Variants in MINDY2 observed in about 807,000 individuals in gnomAD.
The protein encoded by MINDY2 is ubiquitin carboxyl-terminal hydrolase MINDY-2.
In MINDY2, 52 loss-of-function variants were observed where a neutral mutation model predicts 68.2. The observed-to-expected ratio is 0.76, with a 90% CI of 0.61 to 0.96. MINDY2 has a LOEUF of 0.96. MINDY2 is among the 40% of genes least tolerant of loss of function. MINDY2 has a pLI of 0.00. For synonymous variants in MINDY2, 372 were observed against 303.0 expected (o/e 1.23, Z -2.36); for missense variants, 881 against 773.4 (o/e 1.14, Z -1.65).
At chr15:58,782,422 T>G (rs914233063) in intron 1 of MINDY2, among the ~76,000 whole-genome samples, 2 of 152,210 alleles carry the variant, frequency 1.3e-5, no homozygotes, top group African/African-American at 2.4e-5. Flanking sequence ...ACTCCCTGTT[T>G]GAATGTCAAA....
chr15:58,829,352 G>T (rs1481825264), intron 5 of MINDY2, among the ~76,000 whole-genome samples: 1 of 152,150 alleles, frequency 6.6e-6, no homozygotes, highest in Admixed American at 6.6e-5. Context: ...ATACTCATCT[G>T]CAATAAATTT....
chr15:58,798,578 C>G (rs1223811636), intron 2 of MINDY2, among the ~76,000 whole-genome samples: 1 of 151,898 alleles, frequency 6.6e-6, no homozygotes, highest in Non-Finnish European at 1.5e-5. Flanking sequence ...ACCTCAGACT[C>G]CCAAGTAGCT....
chr15:58,796,920 A>G (rs1262268040), intron 2 of MINDY2, among the ~76,000 whole-genome samples: 1 of 152,050 alleles, frequency 6.6e-6, no homozygotes, highest in East Asian at 1.9e-4. Context: ...TCTCCACCCT[A>G]CTTTCCTTGT....
chr15:58,771,656 G>C lies in MINDY2; in HGVS notation c.261G>C (p.Leu87Phe). Residue 87 changes from leucine to phenylalanine, a missense_variant, in exon 1 of 9, where the codon TTG (leucine) becomes TTC (phenylalanine). Physicochemically the swap from Leu to Phe is conservative, Grantham distance 22. Transcript: ENST00000559228. ...GCAGCTCCTCCGCGGGTTTGGACTTGAAGGACAGTGGTTTGGAGAGTCCTG... is the reference window on the plus strand; with the variant it reads ...GCAGCTCCTCCGCGGGTTTGGACTTCAAGGACAGTGGTTTGGAGAGTCCTG... ...GPCSSSAGLD[L>F]KDSGLESPAA... 1 of 1,612,588 alleles carries C rather than the reference G, an allele frequency of 6.2e-7. No homozygotes were observed. Among genetic ancestry groups the C allele is most frequent in the South Asian group, 1.1e-5 (1 of 91,082 alleles).
chr15:58,808,823 C>G (rs1040239530), intron 3 of MINDY2, among the ~76,000 whole-genome samples: 1 of 152,184 alleles, frequency 6.6e-6, no homozygotes, highest in Non-Finnish European at 1.5e-5. Flanking sequence ...CCAAGATGGT[C>G]TTGATCTCCT....
chr15:58,781,855 T>A (rs1418720473), intron 1 of MINDY2, among the ~76,000 whole-genome samples: 3 of 151,346 alleles, frequency 2.0e-5, no homozygotes, highest in African/African-American at 7.3e-5. Flanking sequence ...TGAGCCAAGA[T>A]CGTGCCACTG....
intron 6 of MINDY2, among the ~76,000 whole-genome samples, chr15:58,846,376 G>A (rs1441435870): frequency 4.6e-5 from 7 of 151,926 alleles, no homozygotes; most frequent in South Asian, 2.1e-4. Context: ...GGTGGATCAC[G>A]AGGTCAGGAG....
At chr15:58,811,672 C>T (rs1271530470) in intron 4 of MINDY2, among the ~76,000 whole-genome samples, 1 of 152,174 alleles carries the variant, frequency 6.6e-6, no homozygotes, top group Admixed American at 6.5e-5. Context: ...ATAGGTAATA[C>T]ATTCTCTGAC....
At chr15:58,822,141 C>T (rs1435005544) in intron 5 of MINDY2, among the ~76,000 whole-genome samples, 1 of 151,904 alleles carries the variant, frequency 6.6e-6, no homozygotes, top group Non-Finnish European at 1.5e-5. Flanking sequence ...GTAATCCCAG[C>T]TACTCAGGAG....
intron 6 of MINDY2, 72 bp downstream of exon 6, chr15:58,831,988 C>A: frequency 1.5e-6 from 2 of 1,354,016 alleles, no homozygotes; most frequent in Admixed American, 2.6e-5. Flanking sequence ...GTCTTTTGAT[C>A]TGCTTATAAA....
At chr15:58,788,367 TC>T (rs1901649663) in intron 2 of MINDY2, among the ~76,000 whole-genome samples, 1 of 152,218 alleles carries the variant, frequency 6.6e-6, no homozygotes, top group South Asian at 2.1e-4. Context: ...CCTATGCCAA[TC>T]TACAAAATGT....
intron 1 of MINDY2, among the ~76,000 whole-genome samples, chr15:58,775,833 G>A (rs892799710): frequency 4.6e-5 from 7 of 151,838 alleles, no homozygotes; most frequent in African/African-American, 1.7e-4. Context: ...TTAGAAGCAT[G>A]GACTGGGTCT....
intron 3 of MINDY2, 61 bp from the exon 4 acceptor site, chr15:58,810,169 T>C: frequency 7.1e-7 from 1 of 1,407,444 alleles, no homozygotes; most frequent in South Asian, 1.3e-5. Context: ...TGTACTTGAA[T>C]ATCTTTTTTG....
intron 1 of MINDY2, among the ~76,000 whole-genome samples, chr15:58,787,259 G>A (rs1483116447): frequency 6.7e-6 from 1 of 148,570 alleles, no homozygotes; most frequent in African/African-American, 2.5e-5. Context: ...CTCCCAAAGT[G>A]TTGGGATTAC....
rs2033098469 is a variant in MINDY2 at position 58,857,514 on chromosome 15, A to T, written c.*2904A>T. 1 of 138,214 alleles carries T rather than the reference A, an allele frequency of 7.2e-6. No homozygotes were observed. The highest frequency in any genetic ancestry group is 2.7e-5 in the African/African-American group (1 of 37,190). 8.6% of individuals were successfully genotyped at this position (138,214 alleles called of 1,614,324 possible). A position where few individuals can be genotyped will look rare whatever the true frequency, so the allele number is the denominator to read the frequency against. ...GCACCACTGCATGCAAGCCTGGGCA[A>T]TAGAGCGAGACTCCGTCTCAAAAAA... On this transcript the variant is annotated 3_prime_UTR_variant, in exon 9 of 9. Transcript: ENST00000559228.
intron 6 of MINDY2, among the ~76,000 whole-genome samples, chr15:58,844,778 G>A (rs577894777): frequency 1.0e-3 from 152 of 151,298 alleles, no homozygotes; most frequent in African/African-American, 3.4e-3. Flanking sequence ...TTAGCCAGGC[G>A]TGGTGGTGTG....
rs577735272 is a variant in MINDY2, at chr15:58,858,397, C to G, written c.*3787C>G. 6.6e-6 allele frequency: 1 copy of G among 152,228 alleles called. No homozygotes were observed. Among genetic ancestry groups the G allele is most frequent in the East Asian group, 1.9e-4 (1 of 5,190 alleles). 9.4% of individuals were successfully genotyped at this position (152,228 alleles called of 1,614,324 possible). ...TAGTATCAGAGACTAGTTGACTGAA[C>G]CCAAGATTAAACATTTTGCACTTGC... On this transcript the variant is annotated 3_prime_UTR_variant, in exon 9 of 9. Coordinates refer to ENST00000559228, the MANE Select transcript of MINDY2 (RefSeq NM_001040450.3).
chr15:58,782,921 T>TG (rs1254725496), intron 1 of MINDY2, among the ~76,000 whole-genome samples: 19 of 120,058 alleles, frequency 1.6e-4, no homozygotes, highest in African/African-American at 4.8e-4. Flanking sequence ...GTTTTTTTTT[T>TG]TTTTTTTTTT....
Position 58,854,662 on chromosome 15 carries a change from C to T in MINDY2, c.*52C>T. On this transcript the variant is annotated 3_prime_UTR_variant, in exon 9 of 9. Coordinates refer to ENST00000559228, the MANE Select transcript of MINDY2 (RefSeq NM_001040450.3). ...CTATATGTCTTGAGAAACAAAACCA[C>T]AGGAGGAAAGGAAGAAAAACCGATC... The T allele has an allele frequency of 2.6e-6, 4 of 1,555,278 alleles. No homozygotes were observed. Among genetic ancestry groups the T allele is most frequent in the Non-Finnish European group, 3.4e-6 (4 of 1,159,754 alleles).
Sources: allele counts gnomAD v4.1 joint callset (sites outside exome capture counted in the v4.1 genomes callset), GRCh38; gene constraint gnomAD v4.1.1; transcripts MANE v1.5; gene names NCBI Gene and HGNC (gene_info 2026-07-23, HGNC 2026-07-21).